Variants in SLC26A4 observed in about 807,000 individuals in gnomAD.
The protein encoded by SLC26A4 is solute carrier family 26 member 4.
Under a neutral mutation model 90.4 loss-of-function variants are expected in SLC26A4, and 93 were observed. That is an observed-to-expected ratio of 1.03 (90% CI 0.87 to 1.22). SLC26A4 has a LOEUF of 1.22. Among genes scored for constraint, SLC26A4 ranks in the 50% most tolerant of loss-of-function variants. SLC26A4 has a pLI of 0.00. For synonymous variants in SLC26A4, 393 were observed against 354.6 expected, an observed-to-expected ratio of 1.11 and a Z score of -1.22; for missense variants, 1,127 against 946.2, an observed-to-expected ratio of 1.19 and a Z score of -2.51.
At chr7:107,688,773 TCAGTAA>T (rs1431754501) in intron 8 of SLC26A4, among the ~76,000 whole-genome samples, 4 of 152,164 alleles carry the variant, frequency 2.6e-5, no homozygotes, top group Non-Finnish European at 5.9e-5. Flanking sequence ...TATTAAAGAA[TCAGTAA>T]CAGCAGATTT....
chr7:107,715,318 A>T, intron 20 of SLC26A4, 105 bp from the exon 21 acceptor site: 2 of 859,168 alleles, frequency 2.3e-6, no homozygotes, highest in Non-Finnish European at 4.1e-6. Flanking sequence ...TAAGATGAGT[A>T]GCAGTAAGCA....
rs2701686 is a variant in SLC26A4 at position 107,663,751 on chromosome 7, C to T, written c.304+316C>T. ...TAGGCTGGAGTGCAGTGGCGCAATC[C>T]TGGCTCACTGCAAGCTCCGTCTCCC... On this transcript the variant is annotated intron_variant, in intron 3 of 20. Transcript: ENST00000644269. Among the ~76,000 whole-genome samples, 114,582 of 152,030 alleles carry T rather than the reference C, an allele frequency of 0.75. 43,267 individuals carry two copies. The highest frequency in any genetic ancestry group is 0.85 in the South Asian group (4,095 of 4,814).
chr7:107,669,181 C>T (rs1165759957), intron 3 of SLC26A4, among the ~76,000 whole-genome samples: 1 of 152,130 alleles, frequency 6.6e-6, no homozygotes, highest in African/African-American at 2.4e-5. Context: ...TGGTCTTGAA[C>T]TCCTGGCCTC....
chr7:107,671,582 G>T (rs906989200), intron 3 of SLC26A4, among the ~76,000 whole-genome samples: 1 of 152,186 alleles, frequency 6.6e-6, no homozygotes, highest in Non-Finnish European at 1.5e-5. Flanking sequence ...TGCAATCATT[G>T]TTCCAGGTGA....
intron 10 of SLC26A4, 86 bp from the exon 11 acceptor site, chr7:107,694,317 C>A: frequency 1.0e-6 from 1 of 955,546 alleles, no homozygotes; most frequent in Non-Finnish European, 1.7e-6. Context: ...TGTCTGTGAA[C>A]AGGCTGTCTC....
chr7:107,663,877 G>A (rs1790642031), intron 3 of SLC26A4, among the ~76,000 whole-genome samples: 2 of 152,158 alleles, frequency 1.3e-5, no homozygotes, highest in African/African-American at 2.4e-5. Context: ...TAGAGACGGG[G>A]TTTCACCGGG....
intron 6 of SLC26A4, among the ~76,000 whole-genome samples, chr7:107,681,989 A>C (rs1791243818): frequency 6.6e-6 from 1 of 151,766 alleles, no homozygotes; most frequent in East Asian, 1.9e-4. Flanking sequence ...CTCTACAATA[A>C]ATAAAATAAA....
In SLC26A4 at chr7:107,710,127, G is replaced by A. The variant is rs375151702; in HGVS notation, c.2163G>A (p.Thr721=). Residue 721 remains threonine (T), a synonymous_variant, in exon 19 of 21, where the codon ACG becomes ACA. Coordinates refer to ENST00000644269, the MANE Select transcript of SLC26A4 (RefSeq NM_000441.2). ...DNIRKDTFFL[T]VHDAILYLQN... ...TTAGAAAGGACACATTCTTTTTGAC[G>A]GTCCATGATGCTATACTCTATCTAC... 9 of 1,608,120 alleles carry A rather than the reference G, an allele frequency of 5.6e-6. No individual in the cohort carries two copies. Among genetic ancestry groups the A allele is most frequent in the East Asian group, 4.5e-5 (2 of 44,858 alleles).
At position 107,682,407 on chromosome 7, in the gene SLC26A4, CATT is replaced by C. The variant is rs1256322733; in HGVS notation, c.766-792_766-790del. ...AAAAAAAGATTTGATGTAATTATAT[CATT>C]ATAAAATCAAATTTTTTAAATAAAA... On this transcript the variant is annotated intron_variant, in intron 6 of 20. Transcript: ENST00000644269. 2.6e-5 allele frequency among the ~76,000 whole-genome samples: 4 copies of C among 151,930 alleles called. No individual in the cohort carries two copies. In the East Asian group the frequency reaches 7.7e-4, roughly 29 times the overall value.
chr7:107,673,048 A>T (rs1033982523), intron 4 of SLC26A4, among the ~76,000 whole-genome samples: 4 of 152,178 alleles, frequency 2.6e-5, no homozygotes, highest in African/African-American at 9.7e-5. Context: ...GATCAGAAAG[A>T]GGTTTTGATT....
At chr7:107,666,541 A>C (rs1790721062) in intron 3 of SLC26A4, among the ~76,000 whole-genome samples, 1 of 152,166 alleles carries the variant, frequency 6.6e-6, no homozygotes, top group African/African-American at 2.4e-5. Context: ...GGTCTATTTT[A>C]GATATAATGG....
intron 18 of SLC26A4, among the ~76,000 whole-genome samples, chr7:107,705,922 C>A (rs969833209): frequency 6.6e-6 from 1 of 152,200 alleles, no homozygotes; most frequent in African/African-American, 2.4e-5. Context: ...GCATGAGATT[C>A]ATCTCTTGAA....
chr7:107,675,108 A>G lies in SLC26A4; in HGVS notation c.764A>G (p.Tyr255Cys), dbSNP rs763276250. Reference sequence around the variant, plus strand: ...TACAATGGAGTTCTCTCTATTATCTATGTAAGTGTTGCTTCTTGCTCCAGG... The same window carrying G: ...TACAATGGAGTTCTCTCTATTATCTGTGTAAGTGTTGCTTCTTGCTCCAGG... ...KNYNGVLSII[Y>C]TLVEIFQNIG... The change falls in exon 6 of 21, where the codon TAT becomes TGT. Residue 255 changes from tyrosine (Y) to cysteine (C), a missense_variant and splice_region_variant. Physicochemically the swap from Tyr to Cys is radical, Grantham distance 194 (BLOSUM62 -2). Coordinates refer to ENST00000644269, the MANE Select transcript of SLC26A4 (RefSeq NM_000441.2). 2.5e-6 allele frequency: 4 copies of G among 1,613,336 alleles called. No individual in the cohort carries two copies. Among genetic ancestry groups the G allele is most frequent in the Admixed American group, 1.7e-5 (1 of 59,986 alleles).
Position 107,675,112 on chromosome 7 carries a change from A to T in SLC26A4, c.765+3A>T, listed in dbSNP as rs483353048. The T allele has an allele frequency of 2.5e-6, 4 of 1,613,318 alleles. No individual in the cohort carries two copies. Among genetic ancestry groups the T allele is most frequent in the Non-Finnish European group, 3.4e-6 (4 of 1,179,486 alleles). On this transcript the variant is annotated splice_donor_region_variant and intron_variant, in intron 6 of 20. Transcript: ENST00000644269. The stretch of plus-strand genomic sequence containing the variant: ...ATGGAGTTCTCTCTATTATCTATGT[A>T]AGTGTTGCTTCTTGCTCCAGGGATG...
intron 18 of SLC26A4, among the ~76,000 whole-genome samples, chr7:107,707,093 T>C (rs1309029262): frequency 6.6e-6 from 1 of 152,032 alleles, no homozygotes; most frequent in Non-Finnish European, 1.5e-5. Flanking sequence ...GCCCAGATGG[T>C]GCCACTGCAC....
intron 18 of SLC26A4, among the ~76,000 whole-genome samples, chr7:107,707,249 A>C (rs1034568640): frequency 2.0e-5 from 3 of 152,238 alleles, no homozygotes; most frequent in Non-Finnish European, 4.4e-5. Context: ...GCAATGTTTC[A>C]AATAAAAAAG....
At chr7:107,685,586 G>A (rs1241108332) in intron 8 of SLC26A4, among the ~76,000 whole-genome samples, 1 of 152,150 alleles carries the variant, frequency 6.6e-6, no homozygotes, top group Non-Finnish European at 1.5e-5. Context: ...ATGCCCCATT[G>A]GACAGCCAAA....
rs538157527 is a variant in SLC26A4 at position 107,714,824 on chromosome 7, A to T, written c.2320-599A>T. ...ATGTAAAGTAGTAATAATACCACAG[A>T]GTTGTGAAAATTAAAGGATAAATGT... On this transcript the variant is annotated intron_variant, in intron 20 of 20. Transcript: ENST00000644269. 3.3e-5 allele frequency among the ~76,000 whole-genome samples: 5 copies of T among 152,228 alleles called. 1 individual carries two copies. The South Asian group carries it at 1.0e-3, about 32-fold the overall frequency.
chr7:107,672,089 A>G (rs1790882878), intron 3 of SLC26A4, 49 bp from the exon 4 acceptor site: 1 of 1,159,756 alleles, frequency 8.6e-7, no homozygotes, highest in Non-Finnish European at 1.3e-6. Context: ...GACTTTCTGC[A>G]TACTGTAACT....
Sources: gnomAD v4.1 joint callset for allele counts (sites outside exome capture counted in the v4.1 genomes callset) on GRCh38, gnomAD v4.1.1 for gene constraint, MANE v1.5 for transcripts, NCBI Gene and HGNC (gene_info 2026-07-23, HGNC 2026-07-21) for gene names.